The following HTRA1 variants were observed in gnomAD, a reference collection of about 807,000 sequenced individuals.
The protein encoded by HTRA1 is serine protease HTRA1.
Under a neutral mutation model 49.7 loss-of-function variants are expected in HTRA1, and 26 were observed. That is an observed-to-expected ratio of 0.52 (90% CI 0.38 to 0.73). The LOEUF (loss-of-function observed/expected upper bound fraction) is 0.73. HTRA1 is among the 30% of genes least tolerant of loss of function. The probability of loss-of-function intolerance (pLI) is 0.00; values close to 1 mark genes in which losing one functional copy is unlikely to be tolerated. For missense variants in HTRA1, 561 were observed against 667.2 expected (o/e 0.84, Z 1.75); for synonymous variants, 291 against 286.9 (o/e 1.01, Z -0.14).
At position 122,506,670 on chromosome 10, in the gene HTRA1, C is replaced by G. The variant is rs376128401; in HGVS notation, c.778-21C>G. ...TGGTTAAATTAAACCAACTCAGCAA[C>G]GCCAGCCATTGTGGTTTCAGGGCAA... On this transcript the variant is annotated intron_variant, in intron 3 of 8. Transcript: ENST00000368984. The surrounding 1 kb of genome is among the most constrained non-coding windows in gnomAD (Gnocchi z 5.2). 1 of 1,606,972 alleles carries G rather than the reference C, an allele frequency of 6.2e-7. No individual in the cohort carries two copies. Among genetic ancestry groups the G allele is most frequent in the Non-Finnish European group, 8.5e-7 (1 of 1,177,250 alleles).
chr10:122,507,272 C>A (rs879571803), intron 4 of HTRA1, 98 bp from the exon 5 acceptor site: 22 of 934,896 alleles, frequency 2.4e-5, no homozygotes, highest in African/African-American at 6.5e-5. Context: ...TCGTGCCCCC[C>A]ACTCTAGGCA....
chr10:122,508,079 G>A (rs1457750528), intron 5 of HTRA1, among the ~76,000 whole-genome samples: 4 of 152,240 alleles, frequency 2.6e-5, no homozygotes, highest in African/African-American at 7.2e-5. Flanking sequence ...TGGTGCCTTG[G>A]CATCAGGTAC....
intron 1 of HTRA1, among the ~76,000 whole-genome samples, chr10:122,466,172 A>G (rs893825583): frequency 2.6e-5 from 4 of 151,514 alleles, no homozygotes; most frequent in African/African-American, 9.7e-5. Flanking sequence ...TGTAAAATTT[A>G]CTTTTTTTTT....
intron 1 of HTRA1, among the ~76,000 whole-genome samples, chr10:122,466,800 A>C (rs760692782): frequency 3.9e-5 from 6 of 152,210 alleles, no homozygotes; most frequent in Non-Finnish European, 8.8e-5. Context: ...GTGAGTCTCC[A>C]GCTTTTAGTC....
At chr10:122,509,223 T>G (rs2097504487) in intron 6 of HTRA1, among the ~76,000 whole-genome samples, 1 of 152,156 alleles carries the variant, frequency 6.6e-6, no homozygotes, top group Non-Finnish European at 1.5e-5. Flanking sequence ...AACAGGGGCC[T>G]TTGCCGGTGT....
rs185269245 is a variant in HTRA1 at position 122,496,008 on chromosome 10, G to A, written c.777+6382G>A. Among the ~76,000 whole-genome samples the A allele has an allele frequency of 3.9e-5, 6 of 152,248 alleles. No individual in the cohort carries two copies. The East Asian group carries it at 9.6e-4, about 24-fold the overall frequency. On this transcript the variant is annotated intron_variant, in intron 3 of 8. Coordinates refer to ENST00000368984, the MANE Select transcript of HTRA1 (RefSeq NM_002775.5). ...GTTAAATAGTTGTGATGAAGACCAC[G>A]TGGCCCGTGAAGCCAAAAATATTTG...
At chr10:122,468,108 C>T (rs60401382) in intron 1 of HTRA1, among the ~76,000 whole-genome samples, 48,462 of 151,984 alleles carry the variant, frequency 0.32, 8,632 homozygotes, top group East Asian at 0.52. Context: ...GGTATGGGGA[C>T]TCAGAGGTAA....
intron 2 of HTRA1, among the ~76,000 whole-genome samples, 177 bp from the exon 3 acceptor site, chr10:122,489,245 G>A (rs1177063452): frequency 6.6e-6 from 1 of 152,154 alleles, no homozygotes; most frequent in East Asian, 1.9e-4. Flanking sequence ...TTTTGTAAGT[G>A]GAAGTTTTTG....
intron 1 of HTRA1, among the ~76,000 whole-genome samples, chr10:122,488,412 A>G (rs2097494031): frequency 6.6e-6 from 1 of 152,162 alleles, no homozygotes; most frequent in South Asian, 2.1e-4. Flanking sequence ...TAGTAAAAAT[A>G]CAAAAATACA....
At position 122,461,898 on chromosome 10, in the gene HTRA1, G is replaced by C. The variant is rs1478845443; in HGVS notation, c.246G>C (p.Pro82=). The change falls in exon 1 of 9, where the codon CCG becomes CCC. Residue 82 remains proline, a synonymous_variant. Transcript: ENST00000368984. The part of the protein sequence containing the change: ...EGAACGLQEG[P]CGEGLQCVVP... ...CCGCGTGCGGCCTGCAGGAGGGCCC[G>C]TGCGGCGAGGGGCTGCAGTGCGTGG... The C allele has an allele frequency of 2.9e-6, 4 of 1,385,514 alleles. No individual in the cohort carries two copies. The highest frequency in any genetic ancestry group is 6.4e-5 in the Admixed American group (2 of 31,154). 85.8% of individuals were successfully genotyped at this position (1,385,514 alleles called of 1,614,324 possible).
At chr10:122,477,693 C>T (rs2097489270) in intron 1 of HTRA1, among the ~76,000 whole-genome samples, 1 of 152,348 alleles carries the variant, frequency 6.6e-6, no homozygotes, top group African/African-American at 2.4e-5. Flanking sequence ...ATGTCTCAGG[C>T]TTTAGAGCAG....
intron 3 of HTRA1, among the ~76,000 whole-genome samples, chr10:122,493,896 G>T (rs958621737): frequency 3.3e-5 from 5 of 150,046 alleles, no homozygotes; most frequent in African/African-American, 1.2e-4. Context: ...CCCTTCCTTG[G>T]TTGCTTCCCA....
Position 122,504,552 on chromosome 10 carries a change from C to T in HTRA1, c.778-2139C>T, listed in dbSNP as rs2097502275. On this transcript the variant is annotated intron_variant, in intron 3 of 8. Coordinates refer to ENST00000368984, the MANE Select transcript of HTRA1 (RefSeq NM_002775.5). ...CAGCCAGGCCACCCCGCTCCATTAA[C>T]CTGTGCCACCCCATCCCTTTACCTG... Among the ~76,000 whole-genome samples the T allele has an allele frequency of 3.9e-5, 6 of 152,196 alleles. No individual in the cohort carries two copies. In the South Asian group the frequency reaches 1.2e-3, roughly 31 times the overall value.
At position 122,506,344 on chromosome 10, in the gene HTRA1, C is replaced by T. The variant is rs1217527290; in HGVS notation, c.778-347C>T. Among the ~76,000 whole-genome samples, 1 of 152,198 alleles carries T rather than the reference C, an allele frequency of 6.6e-6. No individual in the cohort carries two copies. The highest frequency in any genetic ancestry group is 1.5e-5 in the Non-Finnish European group (1 of 68,036). On this transcript the variant is annotated intron_variant, in intron 3 of 8. Transcript: ENST00000368984. This position sits in a 1 kb window ranked among gnomAD's most constrained non-coding sequence, Gnocchi z 5.2. The stretch of plus-strand genomic sequence containing the variant: ...CCAAACCCTAAATTCATGTTGTCTT[C>T]CTCTGTCTCTTGGCCTCAAGGTTTC...
chr10:122,514,319 A>G lies in HTRA1; in HGVS notation c.1403A>G (p.Asp468Gly). The change falls in exon 9 of 9, where the codon GAT becomes GGT. Residue 468 changes from aspartate (D) to glycine (G), a missense_variant. This residue lies in a region of HTRA1 where 179 missense variants were observed against 173.4 expected (regional missense o/e 1.03). Coordinates refer to ENST00000368984, the MANE Select transcript of HTRA1 (RefSeq NM_002775.5). ...LNMVVRRGNE[D>G]IMITVIPEEI... Reference sequence around the variant, plus strand: ...ATGGTGGTCCGCAGGGGTAATGAAGATATCATGATCACAGTGATTCCCGAA... The same window carrying G: ...ATGGTGGTCCGCAGGGGTAATGAAGGTATCATGATCACAGTGATTCCCGAA... 1 of 1,614,188 alleles carries G rather than the reference A, an allele frequency of 6.2e-7. No homozygotes were observed. The highest frequency in any genetic ancestry group is 8.5e-7 in the Non-Finnish European group (1 of 1,180,026).
chr10:122,469,743 C>A (rs953368122), intron 1 of HTRA1, among the ~76,000 whole-genome samples: 8 of 152,174 alleles, frequency 5.3e-5, no homozygotes, highest in African/African-American at 1.4e-4. Context: ...GTAACTTGTC[C>A]AAGGCCAGCC....
Position 122,489,418 on chromosome 10 carries a change from T to C in HTRA1, c.573-4T>C. 1 of 1,614,126 alleles carries C rather than the reference T, an allele frequency of 6.2e-7. No individual in the cohort carries two copies. The highest frequency in any genetic ancestry group is 8.5e-7 in the Non-Finnish European group (1 of 1,179,958). On this transcript the variant is annotated splice_region_variant and splice_polypyrimidine_tract_variant and intron_variant, in intron 2 of 8. Transcript: ENST00000368984. ...GCTTAAGTGTGTACTCCTTTGGATT[T>C]TAGGCTTCCGTTTTCTAAACGAGAG... is the stretch of plus-strand genomic sequence containing the variant.
At chr10:122,475,951 C>T (rs2097488276) in intron 1 of HTRA1, among the ~76,000 whole-genome samples, 1 of 152,220 alleles carries the variant, frequency 6.6e-6, no homozygotes, top group Non-Finnish European at 1.5e-5. Flanking sequence ...AGACAGCATG[C>T]AGCCACTCAA....
chr10:122,486,690 T>C (rs2097493221), intron 1 of HTRA1, among the ~76,000 whole-genome samples: 1 of 152,138 alleles, frequency 6.6e-6, no homozygotes, highest in Non-Finnish European at 1.5e-5. Context: ...CAGCTTTTAC[T>C]TATAGCCTAG....
Sources: allele counts gnomAD v4.1 joint callset (sites outside exome capture counted in the v4.1 genomes callset), GRCh38; gene constraint gnomAD v4.1.1; regional missense constraint gnomAD v4.1.1; non-coding constraint Gnocchi (gnomAD v3.1); transcripts MANE v1.5; gene names NCBI Gene and HGNC (gene_info 2026-07-23, HGNC 2026-07-21).